RIC3: variants seen among roughly 807,000 people sequenced by gnomAD.
RIC3 encodes protein RIC-3.
Under a neutral mutation model 27.3 loss-of-function variants are expected in RIC3, and 28 were observed. The ratio of observed to expected loss-of-function variants is 1.02; its 90% CI spans 0.76 to 1.41. The LOEUF is 1.41. RIC3 is among the 40% of genes most tolerant of loss of function. RIC3 has a pLI of 0.00. For missense variants in RIC3, 501 were observed against 444.7 expected (o/e 1.13, Z -1.14); for synonymous variants, 184 against 160.4 (o/e 1.15, Z -1.11).
chr11:8,098,513 G>C, the RIC3 span, among the ~76,000 whole-genome samples: 12 of 152,164 alleles, frequency 7.9e-5, no homozygotes, highest in Admixed American at 7.9e-4. Flanking sequence ...GAAGAATCCT[G>C]ATTGACCTCC....
At chr11:8,140,678 C>T (rs1013249054) in intron 1 of RIC3, among the ~76,000 whole-genome samples, 1 of 152,164 alleles carries the variant, frequency 6.6e-6, no homozygotes, top group African/African-American at 2.4e-5. Flanking sequence ...ACTGCTGCCA[C>T]CTCACTAACT....
intron 1 of RIC3, among the ~76,000 whole-genome samples, chr11:8,152,379 T>A (rs1424077867): frequency 6.6e-6 from 1 of 152,170 alleles, no homozygotes; most frequent in Non-Finnish European, 1.5e-5. Context: ...CACAGTATTA[T>A]CCAGCCATAA....
chr11:8,167,670 A>T (rs997538572), intron 1 of RIC3, among the ~76,000 whole-genome samples: 2 of 152,102 alleles, frequency 1.3e-5, no homozygotes, highest in Admixed American at 6.6e-5. Context: ...TTTTCGAAGA[A>T]TCTTCACTGT....
intron 5 of RIC3, among the ~76,000 whole-genome samples, chr11:8,123,274 A>G (rs1946660739): frequency 6.6e-6 from 1 of 152,188 alleles, no homozygotes; most frequent in Non-Finnish European, 1.5e-5. Flanking sequence ...AAGGAAATAA[A>G]AGAGAGACAA....
At chr11:8,100,411 A>G in the RIC3 span, 1 of 962,282 alleles carries the variant, frequency 1.0e-6, no homozygotes, top group Non-Finnish European at 1.6e-6. Context: ...AGATGGTGGG[A>G]ACTAGCTCTT....
chr11:8,158,336 C>G (rs575860289), intron 1 of RIC3, among the ~76,000 whole-genome samples: 1 of 152,202 alleles, frequency 6.6e-6, no homozygotes, highest in African/African-American at 2.4e-5. Flanking sequence ...TATTTATAAG[C>G]ATTCAGGCAG....
intron 5 of RIC3, 50 bp from the exon 6 acceptor site, chr11:8,111,187 A>G (rs1225568589): frequency 7.4e-7 from 1 of 1,356,914 alleles, no homozygotes. Flanking sequence ...TCCTCAAAAA[A>G]AAAAAAAATA....
chr11:8,123,746 A>G, intron 5 of RIC3, among the ~76,000 whole-genome samples: 1 of 151,724 alleles, frequency 6.6e-6, no homozygotes. Flanking sequence ...CCCACAAATA[A>G]AACTCCAGGC....
At chr11:8,118,003 A>G (rs963214334) in intron 5 of RIC3, among the ~76,000 whole-genome samples, 5 of 151,940 alleles carry the variant, frequency 3.3e-5, no homozygotes, top group African/African-American at 1.2e-4. Flanking sequence ...CGGGCAGATC[A>G]CGAGGTCAGG....
intron 1 of RIC3, among the ~76,000 whole-genome samples, chr11:8,161,314 G>A (rs190769402): frequency 5.3e-5 from 8 of 152,246 alleles, no homozygotes; most frequent in East Asian, 1.9e-4. Context: ...TAGTGAACTG[G>A]GGTCCCAAGT....
At chr11:8,093,953 A>G in the RIC3 span, 18 of 1,531,886 alleles carry the variant, frequency 1.2e-5, no homozygotes, top group East Asian at 1.1e-4. Flanking sequence ...GGTGCAGTCA[A>G]AAATGCTGTG....
At chr11:8,114,139 C>A (rs1287768660) in intron 5 of RIC3, among the ~76,000 whole-genome samples, 1 of 152,192 alleles carries the variant, frequency 6.6e-6, no homozygotes, top group Admixed American at 6.5e-5. Flanking sequence ...GGCAGGCTGA[C>A]TGGTGAATGG....
the RIC3 span, among the ~76,000 whole-genome samples, chr11:8,096,302 G>A: frequency 4.0e-3 from 613 of 152,270 alleles, 2 homozygotes; most frequent in Non-Finnish European, 7.1e-3. Context: ...CCTCTAATAG[G>A]CCTGAGGTCA....
intron 5 of RIC3, among the ~76,000 whole-genome samples, chr11:8,115,989 C>T (rs114061689): frequency 8.8e-4 from 134 of 152,234 alleles, no homozygotes; most frequent in Middle Eastern, 3.4e-3. Flanking sequence ...GTACCTGATT[C>T]CCAAATCTAC....
intron 5 of RIC3, among the ~76,000 whole-genome samples, chr11:8,124,966 A>T (rs890825362): frequency 7.2e-5 from 11 of 152,170 alleles, no homozygotes; most frequent in Non-Finnish European, 1.2e-4. Flanking sequence ...CAGAACATAA[A>T]AAATGGGCTG....
chr11:8,162,166 C>A (rs897890516), intron 1 of RIC3, among the ~76,000 whole-genome samples: 2 of 152,212 alleles, frequency 1.3e-5, no homozygotes, highest in Admixed American at 1.3e-4. Flanking sequence ...GAAAAGGACA[C>A]AGAAAATAAG....
chr11:8,113,241 C>T (rs1358721183), intron 5 of RIC3, among the ~76,000 whole-genome samples: 1 of 152,216 alleles, frequency 6.6e-6, no homozygotes, highest in African/African-American at 2.4e-5. Context: ...GCTGGCATGT[C>T]CCTGTCTTCC....
At chr11:8,144,923 C>T (rs1293756859) in intron 1 of RIC3, among the ~76,000 whole-genome samples, 34 of 147,710 alleles carry the variant, frequency 2.3e-4, no homozygotes, top group African/African-American at 5.0e-4. Flanking sequence ...AGTAAACTAT[C>T]GCAAGAACAA....
chr11:8,154,530 C>T (rs1476531992), intron 1 of RIC3, among the ~76,000 whole-genome samples: 2 of 152,282 alleles, frequency 1.3e-5, no homozygotes, highest in East Asian at 3.9e-4. Context: ...TCCTTTTCTG[C>T]CTTTTTTTCC....
Sources: allele counts gnomAD v4.1 joint callset (sites outside exome capture counted in the v4.1 genomes callset), GRCh38; gene constraint gnomAD v4.1.1; transcripts MANE v1.5; gene names NCBI Gene and HGNC (gene_info 2026-07-23, HGNC 2026-07-21).